PEX5L: variants seen among roughly 807,000 people sequenced by gnomAD.
The protein encoded by PEX5L is peroxisomal biogenesis factor 5 like.
In PEX5L, 30 loss-of-function variants were observed where a neutral mutation model predicts 84.0. The ratio of observed to expected loss-of-function variants is 0.36; its 90% CI spans 0.27 to 0.48. The LOEUF (loss-of-function observed/expected upper bound fraction) is 0.48, where lower values mean the gene tolerates loss of function less well. PEX5L is among the 20% of genes least tolerant of loss of function. The pLI is 0.99. For missense variants in PEX5L, 533 were observed against 754.6 expected, an observed-to-expected ratio of 0.71 and a Z score of 3.44; for synonymous variants, 270 against 283.1, an observed-to-expected ratio of 0.95 and a Z score of 0.46.
At chr3:179,929,556 T>C (rs1772428536) in intron 2 of PEX5L, among the ~76,000 whole-genome samples, 1 of 151,682 alleles carries the variant, frequency 6.6e-6, no homozygotes, top group African/African-American at 2.4e-5. Context: ...TTAAACCTTA[T>C]AGTTTGGAGC....
Position 179,815,856 on chromosome 3 carries a change from G to A in PEX5L, c.1083+5C>T, listed in dbSNP as rs1725872981. 6.2e-7 allele frequency: 1 copy of A among 1,613,906 alleles called. No individual in the cohort carries two copies. The highest frequency in any genetic ancestry group is 2.2e-5 in the East Asian group (1 of 44,866). Reference sequence around the variant, plus strand: ...GAGTCTGGCAGAATGAAGGGAGAATGACACCTCTGCATCTCCAGGGTCCTG... The same window carrying A: ...GAGTCTGGCAGAATGAAGGGAGAATAACACCTCTGCATCTCCAGGGTCCTG... On this transcript the variant is annotated splice_donor_5th_base_variant and intron_variant, in intron 10 of 14. Coordinates refer to ENST00000467460, the MANE Select transcript of PEX5L (RefSeq NM_016559.3).
intron 2 of PEX5L, among the ~76,000 whole-genome samples, chr3:179,925,176 G>A (rs1452385120): frequency 6.6e-6 from 1 of 152,102 alleles, no homozygotes; most frequent in African/African-American, 2.4e-5. Context: ...AATAATTCTG[G>A]TCATTCTTTA....
At chr3:179,888,171 T>C in intron 3 of PEX5L, 1 of 1,289,864 alleles carries the variant, frequency 7.8e-7, no homozygotes, top group Non-Finnish European at 1.0e-6. Flanking sequence ...GACTCAAAGA[T>C]GACATGTTCT....
At chr3:179,985,450 A>G (rs1199014235) in intron 1 of PEX5L, among the ~76,000 whole-genome samples, 2 of 152,096 alleles carry the variant, frequency 1.3e-5, no homozygotes, top group African/African-American at 4.8e-5. Context: ...TATGCTATTG[A>G]TCTACACCTC....
intron 7 of PEX5L, among the ~76,000 whole-genome samples, chr3:179,862,997 C>T (rs1370103275): frequency 3.3e-5 from 5 of 152,098 alleles, no homozygotes; most frequent in East Asian, 3.9e-4. Context: ...GGCATATAGA[C>T]CAATGGAACA....
At position 179,795,531 on chromosome 3, in the gene PEX5L, T is replaced by G. The variant is rs1327753541; in HGVS notation, c.*6297A>C. 1 of 152,216 alleles carries G rather than the reference T, an allele frequency of 6.6e-6. No individual in the cohort carries two copies. Among genetic ancestry groups the G allele is most frequent in the Non-Finnish European group, 1.5e-5 (1 of 68,028 alleles). The allele number at this position is 152,216 out of a possible 1,614,324, so 9.4% of individuals were successfully genotyped here. On this transcript the variant is annotated 3_prime_UTR_variant, in exon 15 of 15. Transcript: ENST00000467460. ...ACATATTATTTCACTAAATCACTGA[T>G]ACAGTATCACATAATATGCCAATCA...
At chr3:179,870,724 T>C (rs1035622884) in intron 7 of PEX5L, among the ~76,000 whole-genome samples, 1 of 152,230 alleles carries the variant, frequency 6.6e-6, no homozygotes, top group Non-Finnish European at 1.5e-5. Context: ...AGTTTCATAC[T>C]TTGTGTGACT....
intron 2 of PEX5L, among the ~76,000 whole-genome samples, chr3:179,947,320 T>C (rs910196831): frequency 6.6e-6 from 1 of 152,108 alleles, no homozygotes; most frequent in Non-Finnish European, 1.5e-5. Context: ...ATTTTTATTA[T>C]AATAAATATT....
At chr3:179,887,247 T>C (rs2108848249) in intron 4 of PEX5L, among the ~76,000 whole-genome samples, 1 of 152,362 alleles carries the variant, frequency 6.6e-6, no homozygotes, top group Middle Eastern at 3.4e-3. Context: ...GCAGGATATT[T>C]TGTCATTTAA....
intron 8 of PEX5L, among the ~76,000 whole-genome samples, chr3:179,853,452 A>G (rs752067529): frequency 8.5e-5 from 13 of 152,188 alleles, no homozygotes; most frequent in Non-Finnish European, 1.5e-4. Flanking sequence ...TCTCCTCTGC[A>G]GATGAAGCAT....
intron 2 of PEX5L, among the ~76,000 whole-genome samples, chr3:179,962,913 G>T (rs1158016036): frequency 6.6e-6 from 1 of 152,010 alleles, no homozygotes; most frequent in African/African-American, 2.4e-5. Flanking sequence ...CTCCCTATTA[G>T]ATTAAAAAGA....
chr3:180,002,114 C>T (rs943508293), intron 1 of PEX5L, among the ~76,000 whole-genome samples: 12 of 152,062 alleles, frequency 7.9e-5, no homozygotes, highest in African/African-American at 2.9e-4. Flanking sequence ...TATGAATGTA[C>T]CATGAACTTC....
chr3:179,805,843 G>A (rs1377699398), intron 14 of PEX5L, among the ~76,000 whole-genome samples: 1 of 151,986 alleles, frequency 6.6e-6, no homozygotes, highest in African/African-American at 2.4e-5. Context: ...ATGGGTCCCT[G>A]AAAACAGTAA....
chr3:179,841,311 G>T lies in PEX5L; in HGVS notation c.822+17751C>A, dbSNP rs74518468. On this transcript the variant is annotated intron_variant, in intron 8 of 14. Coordinates refer to ENST00000467460, the MANE Select transcript of PEX5L (RefSeq NM_016559.3). ...ATGTATTCTTCCCTCTGCTTCGAAG[G>T]CCTTCTCTTTCCATTCCACTTCCAC... Among the ~76,000 whole-genome samples the T allele has an allele frequency of 1.8e-4, 27 of 152,122 alleles. 1 individual carries two copies. The East Asian group carries it at 4.6e-3, about 26-fold the overall frequency.
At chr3:179,909,321 G>A (rs1007769343) in intron 2 of PEX5L, among the ~76,000 whole-genome samples, 7 of 152,114 alleles carry the variant, frequency 4.6e-5, no homozygotes, top group Non-Finnish European at 1.0e-4. Context: ...AAATAGATGT[G>A]AAAAGAGCAG....
At chr3:179,847,032 C>T (rs183474377) in intron 8 of PEX5L, among the ~76,000 whole-genome samples, 2 of 149,168 alleles carry the variant, frequency 1.3e-5, no homozygotes, top group African/African-American at 5.0e-5. Flanking sequence ...GCTCTCCCTG[C>T]CTCCCTCTCT....
chr3:179,927,706 TA>T (rs1161710571), intron 2 of PEX5L, among the ~76,000 whole-genome samples: 1 of 152,082 alleles, frequency 6.6e-6, no homozygotes, highest in East Asian at 1.9e-4. Context: ...AATTGGACAT[TA>T]AAAAAACAAA....
Position 179,885,053 on chromosome 3 carries a change from G to A in PEX5L, c.310+2620C>T, listed in dbSNP as rs1469297247. Among the ~76,000 whole-genome samples the A allele has an allele frequency of 5.9e-5, 9 of 151,894 alleles. No individual in the cohort carries two copies. In the East Asian group the frequency reaches 1.2e-3, roughly 20 times the overall value. On this transcript the variant is annotated intron_variant, in intron 4 of 14. Coordinates refer to ENST00000467460, the MANE Select transcript of PEX5L (RefSeq NM_016559.3). ...ATAATATTTTTGCCTTGAGATATACGCTTAATATTAAAAACACTTATCAAA... is the reference window on the plus strand; with the variant it reads ...ATAATATTTTTGCCTTGAGATATACACTTAATATTAAAAACACTTATCAAA...
intron 7 of PEX5L, among the ~76,000 whole-genome samples, chr3:179,871,539 T>C (rs1396174431): frequency 2.0e-5 from 3 of 152,256 alleles, no homozygotes; most frequent in East Asian, 3.8e-4. Context: ...CCTTACATAT[T>C]TGAAGTTCGG....
Sources: gnomAD v4.1 joint callset for allele counts (sites outside exome capture counted in the v4.1 genomes callset) on GRCh38, gnomAD v4.1.1 for gene constraint, MANE v1.5 for transcripts, NCBI Gene and HGNC (gene_info 2026-07-23, HGNC 2026-07-21) for gene names.